Variants in SORCS3 observed in about 807,000 individuals in gnomAD.
SORCS3 encodes VPS10 domain-containing receptor SorCS3.
A neutral mutation model predicts 146.3 loss-of-function variants in SORCS3; 57 were observed. The observed-to-expected ratio is 0.39, with a 90% CI of 0.31 to 0.49. The LOEUF is 0.49. Among genes scored for constraint, SORCS3 ranks in the 20% least tolerant of loss-of-function variants. The pLI is 0.92. For missense variants in SORCS3, 1,341 were observed against 1,575.5 expected, an observed-to-expected ratio of 0.85 and a Z score of 2.52; for synonymous variants, 653 against 618.5, an observed-to-expected ratio of 1.06 and a Z score of -0.83.
At chr10:104,975,859 T>C (rs150220347) in intron 3 of SORCS3, among the ~76,000 whole-genome samples, 9,022 of 152,306 alleles carry the variant, frequency 0.059, 265 homozygotes, top group African/African-American at 0.074. Flanking sequence ...GCTAGCCATA[T>C]GTAGAAAGCT....
At chr10:104,788,433 G>A (rs2017462125) in intron 1 of SORCS3, among the ~76,000 whole-genome samples, 1 of 152,170 alleles carries the variant, frequency 6.6e-6, no homozygotes, top group African/African-American at 2.4e-5. Flanking sequence ...AAAATACGGT[G>A]CAGTATATAT....
At chr10:104,666,966 A>G (rs1396114130) in intron 1 of SORCS3, among the ~76,000 whole-genome samples, 3 of 152,108 alleles carry the variant, frequency 2.0e-5, no homozygotes, top group Admixed American at 1.3e-4. Context: ...ATAAGATGTA[A>G]ACTGTGTTCT....
At chr10:104,892,654 C>T (rs577711464) in intron 2 of SORCS3, among the ~76,000 whole-genome samples, 38 of 152,020 alleles carry the variant, frequency 2.5e-4, no homozygotes, top group African/African-American at 5.8e-4. Flanking sequence ...ACCCGGGAGG[C>T]GGAGGTTGCA....
intron 5 of SORCS3, among the ~76,000 whole-genome samples, chr10:105,063,828 C>G (rs1183323815): frequency 1.3e-5 from 2 of 152,202 alleles, no homozygotes; most frequent in Non-Finnish European, 2.9e-5. Context: ...TGATAAAAGA[C>G]TATTGAAAGA....
At chr10:105,089,024 C>A (rs2055683220) in intron 5 of SORCS3, among the ~76,000 whole-genome samples, 1 of 152,034 alleles carries the variant, frequency 6.6e-6, no homozygotes, top group South Asian at 2.1e-4. Flanking sequence ...ACTTTTTGGG[C>A]CTTACTCTGG....
intron 1 of SORCS3, among the ~76,000 whole-genome samples, chr10:104,786,186 G>A (rs1399050119): frequency 6.6e-6 from 1 of 150,850 alleles, no homozygotes; most frequent in African/African-American, 2.4e-5. Context: ...GTCAAGTTCT[G>A]TTTTAACCAC....
At chr10:104,867,541 C>G (rs775289225) in intron 2 of SORCS3, among the ~76,000 whole-genome samples, 2 of 152,094 alleles carry the variant, frequency 1.3e-5, no homozygotes, top group Non-Finnish European at 2.9e-5. Flanking sequence ...GATCTCCTGA[C>G]CTCATGATCT....
chr10:104,751,969 A>ATATATATATATATATATAT (rs3976798), intron 1 of SORCS3, among the ~76,000 whole-genome samples: 3 of 123,370 alleles, frequency 2.4e-5, no homozygotes, highest in South Asian at 5.7e-4. Context: ...ATATATATAT[A>ATATATATATATATATATAT]ATAGTTTAGC....
chr10:104,652,599 A>G (rs922320701), intron 1 of SORCS3, among the ~76,000 whole-genome samples: 3 of 152,164 alleles, frequency 2.0e-5, no homozygotes, highest in African/African-American at 7.2e-5. Flanking sequence ...CTCTCAGTAC[A>G]AATGAACACT....
At chr10:104,690,598 G>C (rs923041839) in intron 1 of SORCS3, among the ~76,000 whole-genome samples, 1 of 152,140 alleles carries the variant, frequency 6.6e-6, no homozygotes, top group African/African-American at 2.4e-5. Flanking sequence ...CAGAGGTGTG[G>C]GCTTTTGTGT....
chr10:104,885,549 C>G (rs1406313983), intron 2 of SORCS3, among the ~76,000 whole-genome samples: 2 of 152,118 alleles, frequency 1.3e-5, no homozygotes, highest in Non-Finnish European at 2.9e-5. Context: ...TGGTCATCAT[C>G]TTTTTAAATG....
At chr10:104,735,912 C>T (rs1488333143) in intron 1 of SORCS3, among the ~76,000 whole-genome samples, 1 of 152,154 alleles carries the variant, frequency 6.6e-6, no homozygotes, top group African/African-American at 2.4e-5. Context: ...AAAAGAAATG[C>T]AGCCCTCCAA....
chr10:104,644,104 G>A (rs924679715), intron 1 of SORCS3, among the ~76,000 whole-genome samples: 3 of 152,150 alleles, frequency 2.0e-5, no homozygotes, highest in East Asian at 1.9e-4. Flanking sequence ...GTCAAATGAC[G>A]GCCAAAGGGG....
At chr10:104,989,197 G>T (rs2133661066) in intron 4 of SORCS3, among the ~76,000 whole-genome samples, 2 of 152,314 alleles carry the variant, frequency 1.3e-5, no homozygotes, top group South Asian at 2.1e-4. Context: ...CGGAGTTTGT[G>T]CACTTGGTAA....
chr10:104,989,172 A>C (rs899819005), intron 4 of SORCS3, among the ~76,000 whole-genome samples: 12 of 152,212 alleles, frequency 7.9e-5, no homozygotes, highest in African/African-American at 2.9e-4. Context: ...GCAACTTTTA[A>C]ATGGTTTAAT....
chr10:104,966,130 G>C (rs1305552765), intron 3 of SORCS3, among the ~76,000 whole-genome samples: 1 of 151,462 alleles, frequency 6.6e-6, no homozygotes, highest in South Asian at 2.1e-4. Context: ...AGCATCCCTC[G>C]CCTCTGCCCA....
At chr10:105,064,666 G>C (rs1266700082) in intron 5 of SORCS3, among the ~76,000 whole-genome samples, 1 of 152,186 alleles carries the variant, frequency 6.6e-6, no homozygotes, top group Non-Finnish European at 1.5e-5. Flanking sequence ...TCAAGGGTGG[G>C]AGAAGAAGGG....
At chr10:104,963,281 A>C (rs551685727) in intron 3 of SORCS3, among the ~76,000 whole-genome samples, 4 of 152,180 alleles carry the variant, frequency 2.6e-5, no homozygotes, top group Non-Finnish European at 4.4e-5. Flanking sequence ...TTATGCTTGC[A>C]TCAACATTGA....
chr10:104,918,224 A>G (rs1183287419), intron 3 of SORCS3, among the ~76,000 whole-genome samples: 2 of 152,192 alleles, frequency 1.3e-5, no homozygotes, highest in Non-Finnish European at 2.9e-5. Flanking sequence ...TGGACACCTC[A>G]GATCCCACTC....
Sources: gnomAD v4.1 joint callset for allele counts (sites outside exome capture counted in the v4.1 genomes callset) on GRCh38, gnomAD v4.1.1 for gene constraint, MANE v1.5 for transcripts, NCBI Gene and HGNC (gene_info 2026-07-23, HGNC 2026-07-21) for gene names.